The following KALRN variants were observed in gnomAD, a reference collection of about 807,000 sequenced individuals.
KALRN encodes kalirin RhoGEF kinase, also known as kalirin.
Under a neutral mutation model 353.7 loss-of-function variants are expected in KALRN, and 70 were observed. The ratio of observed to expected loss-of-function variants is 0.20; its 90% CI spans 0.16 to 0.24. The LOEUF (loss-of-function observed/expected upper bound fraction) is 0.24. Among genes scored for constraint, KALRN ranks in the 10% least tolerant of loss-of-function variants. KALRN has a pLI of 1.00. For missense variants in KALRN, 2,791 were observed against 3,756.7 expected (o/e 0.74, Z 6.72); for synonymous variants, 1,391 against 1,434.8 (o/e 0.97, Z 0.69).
At chr3:124,601,014 A>G (rs935296091) in intron 34 of KALRN, among the ~76,000 whole-genome samples, 1 of 152,136 alleles carries the variant, frequency 6.6e-6, no homozygotes, top group African/African-American at 2.4e-5. Context: ...TTTGTGGGCA[A>G]TTCTCTGTCT....
At chr3:124,366,848 T>C (rs2084797560) in intron 10 of KALRN, among the ~76,000 whole-genome samples, 1 of 123,748 alleles carries the variant, frequency 8.1e-6, no homozygotes, top group Admixed American at 8.0e-5. Flanking sequence ...CCCCCCCACC[T>C]CCCTCCCGGA....
intron 49 of KALRN, chr3:124,677,644 G>A (rs1487417938): frequency 4.4e-6 from 2 of 454,678 alleles, no homozygotes; most frequent in Non-Finnish European, 8.8e-6. Flanking sequence ...TTAAGCAAAT[G>A]TCTGCCACAG....
intron 38 of KALRN, 65 bp downstream of exon 38, chr3:124,651,003 T>C: frequency 6.3e-7 from 1 of 1,588,838 alleles, no homozygotes; most frequent in Non-Finnish European, 8.6e-7. Flanking sequence ...TGGACAAAGG[T>C]TGGGGAAAAT....
intron 33 of KALRN, among the ~76,000 whole-genome samples, chr3:124,558,635 G>A (rs916823688): frequency 6.6e-6 from 1 of 152,180 alleles, no homozygotes; most frequent in Non-Finnish European, 1.5e-5. Flanking sequence ...ACTATCCTAG[G>A]TGCTTTAATA....
intron 43 of KALRN, among the ~76,000 whole-genome samples, chr3:124,659,702 A>G (rs2084567330): frequency 6.6e-6 from 1 of 151,892 alleles, no homozygotes; most frequent in South Asian, 2.1e-4. Context: ...ACTTGATTTT[A>G]TTTTTTCAAT....
intron 53 of KALRN, among the ~76,000 whole-genome samples, chr3:124,695,581 C>T (rs1385731154): frequency 6.6e-6 from 1 of 152,142 alleles, no homozygotes; most frequent in African/African-American, 2.4e-5. Context: ...CAGAGCAGTT[C>T]TCCCCTGGGG....
chr3:124,601,929 G>A (rs923658867), intron 34 of KALRN, among the ~76,000 whole-genome samples: 1 of 151,878 alleles, frequency 6.6e-6, no homozygotes, highest in Non-Finnish European at 1.5e-5. Context: ...AGTAGGCTGA[G>A]GGGGGAGTAT....
intron 10 of KALRN, among the ~76,000 whole-genome samples, chr3:124,381,798 G>A (rs1434898502): frequency 6.6e-6 from 1 of 152,192 alleles, no homozygotes; most frequent in Non-Finnish European, 1.5e-5. Flanking sequence ...GGATGAGTAA[G>A]ACATGGAAAC....
At chr3:124,212,675 G>A (rs978866414) in intron 1 of KALRN, among the ~76,000 whole-genome samples, 1 of 151,744 alleles carries the variant, frequency 6.6e-6, no homozygotes, top group East Asian at 1.9e-4. Context: ...ATTATTATTC[G>A]TATTACCAAA....
chr3:124,323,114 G>A (rs2079518106), intron 6 of KALRN, among the ~76,000 whole-genome samples: 1 of 152,210 alleles, frequency 6.6e-6, no homozygotes, highest in African/African-American at 2.4e-5. Flanking sequence ...TACTGTGCTA[G>A]TCTAGAATGT....
intron 1 of KALRN, among the ~76,000 whole-genome samples, chr3:124,062,585 A>C (rs2042064322): frequency 1.3e-5 from 2 of 152,130 alleles, no homozygotes; most frequent in Non-Finnish European, 2.9e-5. Context: ...CCTGCATTAG[A>C]GTGCAAGCAT....
chr3:124,413,886 A>T (rs1321023830), intron 14 of KALRN, among the ~76,000 whole-genome samples: 1 of 152,138 alleles, frequency 6.6e-6, no homozygotes, highest in Non-Finnish European at 1.5e-5. Flanking sequence ...TGAGTGGATC[A>T]TTTGAGGTCA....
intron 33 of KALRN, among the ~76,000 whole-genome samples, chr3:124,543,953 G>A (rs2069341063): frequency 6.6e-6 from 1 of 152,200 alleles, no homozygotes; most frequent in Admixed American, 6.5e-5. Context: ...ATCATGTCTA[G>A]GGGCAGGGGT....
At chr3:124,383,266 A>G (rs1185413990) in intron 10 of KALRN, among the ~76,000 whole-genome samples, 1 of 152,210 alleles carries the variant, frequency 6.6e-6, no homozygotes, top group Non-Finnish European at 1.5e-5. Context: ...GGCTGGCTCC[A>G]CAGCCTCTGA....
At chr3:124,562,762 C>T in intron 33 of KALRN, 81 bp from the exon 34 acceptor site, 1 of 1,212,868 alleles carries the variant, frequency 8.2e-7, no homozygotes, top group South Asian at 1.4e-5. Context: ...CCTTCGTCCC[C>T]TCTCACCAAC....
intron 59 of KALRN, among the ~76,000 whole-genome samples, 179 bp from the exon 60 acceptor site, chr3:124,718,746 T>C (rs904037769): frequency 6.6e-6 from 1 of 152,210 alleles, no homozygotes; most frequent in African/African-American, 2.4e-5. Context: ...TGTAGTAAGC[T>C]CAAAATGATA....
chr3:124,211,565 C>T (rs2076897768), intron 1 of KALRN, among the ~76,000 whole-genome samples: 1 of 152,158 alleles, frequency 6.6e-6, no homozygotes, highest in East Asian at 1.9e-4. Context: ...AAGGTACAGG[C>T]CCATGGGCTT....
intron 51 of KALRN, among the ~76,000 whole-genome samples, chr3:124,692,192 A>G (rs1290109501): frequency 6.6e-6 from 1 of 152,262 alleles, no homozygotes; most frequent in Non-Finnish European, 1.5e-5. Flanking sequence ...TGCCCAGGTC[A>G]GGCGTTGAGA....
chr3:124,581,764 A>T (rs1240210942), intron 34 of KALRN, among the ~76,000 whole-genome samples: 1 of 152,222 alleles, frequency 6.6e-6, no homozygotes, highest in African/African-American at 2.4e-5. Context: ...CATACTATGG[A>T]TCACAAGCAA....
Sources: allele counts gnomAD v4.1 joint callset (sites outside exome capture counted in the v4.1 genomes callset), GRCh38; gene constraint gnomAD v4.1.1; transcripts MANE v1.5; gene names NCBI Gene and HGNC (gene_info 2026-07-23, HGNC 2026-07-21).